P2RY14: variants seen among roughly 807,000 people sequenced by gnomAD.
P2RY14 encodes the protein purinergic receptor P2Y14.
In P2RY14, 2 loss-of-function variants were observed where a neutral mutation model predicts 0.9. The ratio of observed to expected loss-of-function variants is 2.16; its 90% confidence interval spans 0.88 to 6.79. The LOEUF (loss-of-function observed/expected upper bound fraction) is 6.79, where lower values mean the gene tolerates loss of function less well. Ranked by LOEUF, P2RY14 falls within the 30% of genes most tolerant of loss-of-function variation. The probability of loss-of-function intolerance (pLI) is 0.05; values close to 1 mark genes in which losing one functional copy is unlikely to be tolerated. For missense variants in P2RY14, 378 were observed against 400.1 expected, an observed-to-expected ratio of 0.94 and a Z score of 0.47; for synonymous variants, 158 against 147.2, an observed-to-expected ratio of 1.07 and a Z score of -0.53.
intron 1 of P2RY14, among the ~76,000 whole-genome samples, chr3:151,263,763 A>C (rs1739327478): frequency 6.6e-6 from 1 of 151,740 alleles, no homozygotes; most frequent in African/African-American, 2.4e-5. Context: ...TTCCCGTACC[A>C]CCCCCCCCAC....
chr3:151,246,542 T>C (rs1332667070), intron 1 of P2RY14, among the ~76,000 whole-genome samples: 2 of 152,158 alleles, frequency 1.3e-5, no homozygotes, highest in Admixed American at 6.5e-5. Context: ...ATTTAATAAA[T>C]GGTGCTGGGA....
chr3:151,255,477 G>A (rs571098791), intron 1 of P2RY14, among the ~76,000 whole-genome samples: 1 of 152,232 alleles, frequency 6.6e-6, no homozygotes, highest in South Asian at 2.1e-4. Context: ...CGGGCAGGCG[G>A]TTTGGGTATA....
intron 1 of P2RY14, among the ~76,000 whole-genome samples, chr3:151,250,242 T>C (rs1160731367): frequency 3.3e-5 from 5 of 151,954 alleles, no homozygotes; most frequent in African/African-American, 9.7e-5. Context: ...TTTTGAAAGA[T>C]TTTTTTTGTC....
chr3:151,261,833 T>C (rs555848411), intron 1 of P2RY14, among the ~76,000 whole-genome samples: 1 of 152,290 alleles, frequency 6.6e-6, no homozygotes, highest in South Asian at 2.1e-4. Flanking sequence ...CAATACATTC[T>C]TGTGCCTCAG....
chr3:151,267,518 A>G (rs1740059924), intron 1 of P2RY14, among the ~76,000 whole-genome samples: 1 of 152,200 alleles, frequency 6.6e-6, no homozygotes, highest in Admixed American at 6.5e-5. Context: ...AAAACAGAAA[A>G]GTGCAAGCTA....
chr3:151,264,494 A>G (rs1200187719), intron 1 of P2RY14, among the ~76,000 whole-genome samples: 1 of 152,244 alleles, frequency 6.6e-6, no homozygotes, highest in African/African-American at 2.4e-5. Context: ...TAGTTGGTTT[A>G]TGATTGTGTA....
chr3:151,238,655 T>G lies in P2RY14; in HGVS notation c.-132-19013A>C, dbSNP rs529867873. 1.7e-3 allele frequency among the ~76,000 whole-genome samples: 262 copies of G among 151,750 alleles called. 4 individuals carry two copies. The highest frequency in any genetic ancestry group is 5.9e-5 in the Non-Finnish European group (4 of 67,890). On this transcript the variant is annotated intron_variant, in intron 1 of 2. Transcript: ENST00000309170. ...AAATCAAGGCAGTGCACTCAACTGT[T>G]CATTGCATTTTATACCTTACTGACA...
chr3:151,226,386 C>T (rs566791513), intron 1 of P2RY14, among the ~76,000 whole-genome samples: 1 of 152,230 alleles, frequency 6.6e-6, no homozygotes, highest in South Asian at 2.1e-4. Flanking sequence ...AATGAGTAAA[C>T]GTTTACGTTA....
intron 1 of P2RY14, among the ~76,000 whole-genome samples, chr3:151,240,538 A>G (rs1733865915): frequency 6.6e-6 from 1 of 152,234 alleles, no homozygotes; most frequent in Non-Finnish European, 1.5e-5. Flanking sequence ...AGAGGGTCAC[A>G]GAGGTGAAAG....
At chr3:151,220,399 A>G (rs570971879) in intron 1 of P2RY14, among the ~76,000 whole-genome samples, 3 of 152,236 alleles carry the variant, frequency 2.0e-5, no homozygotes, top group African/African-American at 7.2e-5. Flanking sequence ...TTTAATGTGC[A>G]TACACATTAC....
intron 1 of P2RY14, among the ~76,000 whole-genome samples, chr3:151,228,132 G>A (rs1039555557): frequency 6.6e-6 from 1 of 152,152 alleles, no homozygotes; most frequent in African/African-American, 2.4e-5. Flanking sequence ...TGTGAAGTGT[G>A]CTTTATTTAC....
chr3:151,236,174 A>G (rs549348947), intron 1 of P2RY14, among the ~76,000 whole-genome samples: 1 of 152,208 alleles, frequency 6.6e-6, no homozygotes, highest in African/African-American at 2.4e-5. Context: ...TTAGAAGCTC[A>G]ATGAATATTT....
chr3:151,272,094 G>A (rs1438657612), intron 1 of P2RY14, among the ~76,000 whole-genome samples: 2 of 152,232 alleles, frequency 1.3e-5, no homozygotes, highest in African/African-American at 4.8e-5. Flanking sequence ...TAATGTGTGT[G>A]TAAATGGTAT....
chr3:151,248,258 T>A (rs911685875), intron 1 of P2RY14, among the ~76,000 whole-genome samples: 1 of 152,130 alleles, frequency 6.6e-6, no homozygotes, highest in African/African-American at 2.4e-5. Flanking sequence ...ATGAGACCTA[T>A]TTAATTCCTA....
rs763332985 is a variant in P2RY14, at chr3:151,213,991, A to G, written c.326T>C (p.Ile109Thr). ...VLFYVNMYVSIVFFGLISFDR... is the reference protein window; with the variant it reads ...VLFYVNMYVSTVFFGLISFDR... ...AAAGCTGATGAGCCCAAAGAACACA[A>G]TGCTGACGTACATGTTGACGTAGAA... Residue 109 changes from isoleucine to threonine, a missense_variant, in exon 3 of 3, where the codon ATT (isoleucine) becomes ACT (threonine). By Grantham distance (89) the Ile-to-Thr change is moderately conservative (BLOSUM62 -1). Coordinates refer to ENST00000309170, the MANE Select transcript of P2RY14 (RefSeq NM_014879.4). 4 of 1,614,064 alleles carry G rather than the reference A, an allele frequency of 2.5e-6. No individual in the cohort carries two copies. In the South Asian group the frequency reaches 4.4e-5, roughly 18 times the overall value.
chr3:151,257,595 G>T (rs113233597), intron 1 of P2RY14, among the ~76,000 whole-genome samples: 12 of 152,326 alleles, frequency 7.9e-5, no homozygotes, highest in African/African-American at 2.6e-4. Flanking sequence ...ACATAGAAGA[G>T]AAAAATAAAT....
At chr3:151,243,760 A>T (rs1172687612) in intron 1 of P2RY14, among the ~76,000 whole-genome samples, 3 of 151,796 alleles carry the variant, frequency 2.0e-5, no homozygotes, top group Admixed American at 1.3e-4. Context: ...AAATTCACAC[A>T]TAACAATATT....
rs1361763117 is a variant in P2RY14, at chr3:151,236,371, A to C, written c.-132-16729T>G. ...TCCTTTTAAATCTCTGGATCACAGA[A>C]TTAGAATAATCATAATTCTTGATTC... On this transcript the variant is annotated intron_variant, in intron 1 of 2. Transcript: ENST00000309170. 2.4e-4 allele frequency among the ~76,000 whole-genome samples: 36 copies of C among 152,346 alleles called. 1 individual carries two copies.
intron 1 of P2RY14, among the ~76,000 whole-genome samples, chr3:151,259,268 A>G (rs1738419620): frequency 6.6e-6 from 1 of 152,216 alleles, no homozygotes; most frequent in Non-Finnish European, 1.5e-5. Context: ...TTTCCTTCAG[A>G]AATAGGCACT....
Sources: gnomAD v4.1 joint callset for allele counts (sites outside exome capture counted in the v4.1 genomes callset) on GRCh38, gnomAD v4.1.1 for gene constraint, MANE v1.5 for transcripts, NCBI Gene and HGNC (gene_info 2026-07-23, HGNC 2026-07-21) for gene names.